Variants in ATP13A3 observed in about 807,000 individuals in gnomAD.
ATP13A3 encodes ATPase 13A3, also known as polyamine-transporting ATPase 13A3.
Under a neutral mutation model 158.1 loss-of-function variants are expected in ATP13A3, and 59 were observed. The observed-to-expected ratio is 0.37, with a 90% CI of 0.30 to 0.46. ATP13A3 has a LOEUF of 0.46. Among genes scored for constraint, ATP13A3 ranks in the 20% least tolerant of loss-of-function variants. ATP13A3 has a pLI of 1.00. For synonymous variants in ATP13A3, 491 were observed against 504.3 expected (o/e 0.97, Z 0.35); for missense variants, 1,166 against 1,525.2 (o/e 0.76, Z 3.92).
chr3:194,474,250 A>G (rs1720431197), intron 2 of ATP13A3, among the ~76,000 whole-genome samples: 1 of 151,740 alleles, frequency 6.6e-6, no homozygotes, highest in South Asian at 2.1e-4. Context: ...CACAACCTCA[A>G]CTCCTCAGCT....
In ATP13A3 at chr3:194,476,766, G is replaced by GTTT. The variant is rs367780103; in HGVS notation, c.-47+9025_-47+9027dup. Among the ~76,000 whole-genome samples, 262 of 128,716 alleles carry GTTT rather than the reference G, an allele frequency of 2.0e-3. 1 individual carries two copies. The highest frequency in any genetic ancestry group is 2.1e-3 in the Non-Finnish European group (123 of 58,856). 84.4% of individuals were successfully genotyped at this position (128,716 alleles called of 152,430 possible). On this transcript the variant is annotated intron_variant, in intron 2 of 33. Transcript: ENST00000645319. ...AAGAGTACCTTCAAAGTAAGTTGTT[G>GTTT]TTTTTTTTTTTTTTCAAAACAATTA...
chr3:194,478,674 A>G (rs925332238), intron 2 of ATP13A3, among the ~76,000 whole-genome samples: 3 of 152,200 alleles, frequency 2.0e-5, no homozygotes, highest in African/African-American at 7.2e-5. Context: ...AACAATACAG[A>G]TTATCTTGTA....
Position 194,431,099 on chromosome 3 carries a change from C to T in ATP13A3, c.2544+5G>A. 6.2e-7 allele frequency: 1 copy of T among 1,613,492 alleles called. No homozygotes were observed. Among genetic ancestry groups the T allele is most frequent in the Non-Finnish European group, 8.5e-7 (1 of 1,179,508 alleles). On this transcript the variant is annotated splice_donor_5th_base_variant and intron_variant, in intron 23 of 33. Transcript: ENST00000645319. Reference sequence around the variant, plus strand: ...TGAGCACACACATACACCCAAATTACTTACCTTAGGAACAAGGTCTTGAAA... The same window carrying T: ...TGAGCACACACATACACCCAAATTATTTACCTTAGGAACAAGGTCTTGAAA...
At chr3:194,463,586 G>C (rs576498129) in intron 2 of ATP13A3, among the ~76,000 whole-genome samples, 114 of 152,178 alleles carry the variant, frequency 7.5e-4, no homozygotes, top group African/African-American at 2.6e-3. Context: ...TGCTTTACAT[G>C]AGGCTGATCT....
At chr3:194,478,303 A>G (rs1005918672) in intron 2 of ATP13A3, among the ~76,000 whole-genome samples, 1 of 151,936 alleles carries the variant, frequency 6.6e-6, no homozygotes, top group African/African-American at 2.4e-5. Flanking sequence ...CAAATAAGTA[A>G]GCAAACAAAT....
chr3:194,443,053 G>C (rs79169865), intron 15 of ATP13A3, among the ~76,000 whole-genome samples: 1 of 141,676 alleles, frequency 7.1e-6, no homozygotes, highest in South Asian at 2.3e-4. Flanking sequence ...AAAAAAAAAA[G>C]AGTGACAGTG....
rs1469813644 is a variant in ATP13A3, at chr3:194,405,318, T to C, written c.*601A>G. The stretch of plus-strand genomic sequence containing the variant: ...GAAAATATAAAACCAGAAATGGAGA[T>C]TACCTGAGTTGTTCTATAAGCAACA... On this transcript the variant is annotated 3_prime_UTR_variant, in exon 34 of 34. Transcript: ENST00000645319. The C allele has an allele frequency of 1.3e-5, 2 of 152,244 alleles. No homozygotes were observed. The highest frequency in any genetic ancestry group is 2.9e-5 in the Non-Finnish European group (2 of 68,092). The allele number at this position is 152,244 out of a possible 1,614,324, so 9.4% of individuals were successfully genotyped here. A position where few individuals can be genotyped will look rare whatever the true frequency, so the allele number is the denominator to read the frequency against.
upstream of ATP13A3, chr3:194,488,471 T>G (rs1721088677): frequency 6.6e-6 from 1 of 152,588 alleles, no homozygotes; most frequent in Non-Finnish European, 1.5e-5. This position sits in a 1 kb window ranked among gnomAD's most constrained non-coding sequence, Gnocchi z 4.1. Flanking sequence ...CAAACAATGG[T>G]CTTCCCTGGC....
At chr3:194,476,141 G>A (rs1175458015) in intron 2 of ATP13A3, among the ~76,000 whole-genome samples, 1 of 152,192 alleles carries the variant, frequency 6.6e-6, no homozygotes, top group African/African-American at 2.4e-5. Context: ...ACTCTGCTGA[G>A]CTGCAGTTCA....
At chr3:194,415,364 A>G (rs1336863134) in intron 31 of ATP13A3, among the ~76,000 whole-genome samples, 1 of 152,208 alleles carries the variant, frequency 6.6e-6, no homozygotes, top group Non-Finnish European at 1.5e-5. Context: ...TACTATTTCA[A>G]GAAAAAGTTG....
intron 2 of ATP13A3, among the ~76,000 whole-genome samples, chr3:194,470,543 GA>G (rs1720254961): frequency 6.6e-6 from 1 of 151,928 alleles, no homozygotes; most frequent in Non-Finnish European, 1.5e-5. Flanking sequence ...ATTACCTTTG[GA>G]CTGACAAATG....
rs777081629 is a variant in ATP13A3 at position 194,441,466 on chromosome 3, G to A, written c.1560-5C>T. ...TTTTCTTCTGGTGAAAGAAATCTAA[G>A]CAGAAGACACACTGAATTAGTTTCA... On this transcript the variant is annotated splice_region_variant and splice_polypyrimidine_tract_variant and intron_variant, in intron 15 of 33. Transcript: ENST00000645319. The A allele has an allele frequency of 1.2e-5, 20 of 1,609,462 alleles. No homozygotes were observed. In the Admixed American group the frequency reaches 3.2e-4, roughly 26 times the overall value.
At position 194,494,236 on chromosome 3, in the gene ATP13A3, G is replaced by A; in HGVS notation, n.560C>T. The A allele has an allele frequency of 2.5e-6, 1 of 398,608 alleles. No homozygotes were observed. 24.7% of individuals were successfully genotyped at this position (398,608 alleles called of 1,614,324 possible). On this transcript the variant is annotated non_coding_transcript_exon_variant, in exon 2 of 33. Transcript: ENST00000687055. The surrounding 1 kb of genome is among the most constrained non-coding windows in gnomAD (Gnocchi z 4.2). Reference sequence around the variant, plus strand: ...GCCAGGACCTTCCTCAGCCACATCTGGATCCTCAGCCCCTCACAGCACACA... The same window carrying A: ...GCCAGGACCTTCCTCAGCCACATCTAGATCCTCAGCCCCTCACAGCACACA...
upstream of ATP13A3, among the ~76,000 whole-genome samples, chr3:194,490,340 C>T (rs1721131687): frequency 6.6e-6 from 1 of 152,216 alleles, no homozygotes; most frequent in Non-Finnish European, 1.5e-5. The surrounding 1 kb of genome is among the most constrained non-coding windows in gnomAD (Gnocchi z 4.4). Context: ...GGCTAGGCCT[C>T]CCCAAAATAT....
At chr3:194,410,941 T>G (rs1450225388) in intron 33 of ATP13A3, among the ~76,000 whole-genome samples, 1 of 108,700 alleles carries the variant, frequency 9.2e-6, no homozygotes, top group East Asian at 2.9e-4. Context: ...TGTTGGGGTG[T>G]GTGTGTGTGT....
chr3:194,431,311 T>C (rs781030839), intron 22 of ATP13A3, 85 bp from the exon 23 acceptor site: 220 of 1,410,362 alleles, frequency 1.6e-4, no homozygotes, highest in Non-Finnish European at 2.0e-4. Flanking sequence ...GTTCTAAAAC[T>C]GAATTCTTTC....
At chr3:194,482,811 C>CAA (rs1428670673) in intron 2 of ATP13A3, among the ~76,000 whole-genome samples, 5 of 151,854 alleles carry the variant, frequency 3.3e-5, no homozygotes, top group Non-Finnish European at 5.9e-5. Context: ...CTCATCTCTA[C>CAA]AAAAAAATTT....
At chr3:194,479,444 CAT>C (rs1720664331) in intron 2 of ATP13A3, among the ~76,000 whole-genome samples, 2 of 150,744 alleles carry the variant, frequency 1.3e-5, no homozygotes, top group African/African-American at 4.9e-5. Context: ...AAATTAGAAA[CAT>C]AAACATTAAA....
intron 2 of ATP13A3, among the ~76,000 whole-genome samples, chr3:194,466,774 C>T (rs1274987049): frequency 1.3e-5 from 2 of 151,964 alleles, no homozygotes; most frequent in Non-Finnish European, 2.9e-5. Flanking sequence ...CCACTTGAGC[C>T]CAAAAGTTTG....
Sources: allele counts gnomAD v4.1 joint callset (sites outside exome capture counted in the v4.1 genomes callset), GRCh38; gene constraint gnomAD v4.1.1; non-coding constraint Gnocchi (gnomAD v3.1); transcripts MANE v1.5; gene names NCBI Gene and HGNC (gene_info 2026-07-23, HGNC 2026-07-21).